Variants in GRIK2 observed in about 807,000 individuals in gnomAD.
The protein encoded by GRIK2 is glutamate ionotropic receptor kainate type subunit 2.
A neutral mutation model predicts 100.3 loss-of-function variants in GRIK2; 32 were observed. The observed-to-expected ratio is 0.32, with a 90% confidence interval of 0.24 to 0.43. GRIK2 has a LOEUF of 0.43. Among genes scored for constraint, GRIK2 ranks in the 20% least tolerant of loss-of-function variants. GRIK2 has a pLI of 1.00. For synonymous variants in GRIK2, 417 were observed against 389.4 expected (o/e 1.07, Z -0.83); for missense variants, 843 against 1,114.9 (o/e 0.76, Z 3.47).
chr6:102,065,714 T>G, intron 16 of GRIK2: 1 of 786,682 alleles, frequency 1.3e-6, no homozygotes, highest in South Asian at 1.7e-5. Flanking sequence ...TTACACGTCC[T>G]ATAACAATTT....
chr6:101,415,109 A>AT (rs1776070529), intron 2 of GRIK2, among the ~76,000 whole-genome samples: 1 of 152,114 alleles, frequency 6.6e-6, no homozygotes, highest in Admixed American at 6.6e-5. Context: ...CCATGCAGCT[A>AT]TAATCACTGT....
intron 16 of GRIK2, chr6:102,063,951 T>G: frequency 7.4e-7 from 1 of 1,345,390 alleles, no homozygotes. Context: ...GATTTAAATT[T>G]TCATTTTCAG....
intron 14 of GRIK2, among the ~76,000 whole-genome samples, chr6:101,973,794 A>C (rs954347293): frequency 2.6e-5 from 4 of 151,896 alleles, no homozygotes; most frequent in African/African-American, 4.8e-5. Context: ...GTACGAACTA[A>C]AAGCATTATT....
intron 2 of GRIK2, among the ~76,000 whole-genome samples, chr6:101,513,025 A>G (rs1224045781): frequency 6.6e-6 from 1 of 151,908 alleles, no homozygotes; most frequent in African/African-American, 2.4e-5. Context: ...TTTTATTTTA[A>G]TATTTCAAGA....
intron 2 of GRIK2, among the ~76,000 whole-genome samples, chr6:101,547,534 T>C (rs1247691135): frequency 6.6e-6 from 1 of 152,178 alleles, no homozygotes; most frequent in Admixed American, 6.5e-5. Context: ...GTGTTCTCAT[T>C]GTTCAATTTC....
chr6:101,692,806 C>T (rs1419670025), intron 7 of GRIK2, among the ~76,000 whole-genome samples: 3 of 151,862 alleles, frequency 2.0e-5, no homozygotes, highest in Non-Finnish European at 4.4e-5. Context: ...ACAGAAAAAA[C>T]ATTTTGGGGT....
intron 7 of GRIK2, among the ~76,000 whole-genome samples, chr6:101,750,341 G>T (rs906221587): frequency 1.3e-5 from 2 of 152,150 alleles, no homozygotes; most frequent in African/African-American, 4.8e-5. Flanking sequence ...AAATACTGCT[G>T]CCCTTCTGAA....
intron 2 of GRIK2, among the ~76,000 whole-genome samples, chr6:101,513,529 G>A (rs1474282758): frequency 2.0e-5 from 3 of 152,008 alleles, no homozygotes; most frequent in Non-Finnish European, 4.4e-5. Flanking sequence ...GCTTTGCAGG[G>A]GCATTTCAAA....
intron 7 of GRIK2, among the ~76,000 whole-genome samples, chr6:101,797,302 T>A (rs546173160): frequency 6.6e-6 from 1 of 152,092 alleles, no homozygotes; most frequent in African/African-American, 2.4e-5. Context: ...AACATTATTA[T>A]TTTATTGTGT....
chr6:101,803,623 A>G (rs2128415188), intron 9 of GRIK2, among the ~76,000 whole-genome samples: 1 of 152,010 alleles, frequency 6.6e-6, no homozygotes, highest in Non-Finnish European at 1.5e-5. Context: ...TAAGCTCGTG[A>G]GGAGTTTATC....
intron 7 of GRIK2, among the ~76,000 whole-genome samples, chr6:101,709,472 A>G (rs887609350): frequency 1.3e-5 from 2 of 151,848 alleles, no homozygotes; most frequent in African/African-American, 2.4e-5. Context: ...GTAAAATTAC[A>G]AAGATACCTA....
At chr6:101,491,287 A>AG (rs1335833503) in intron 2 of GRIK2, among the ~76,000 whole-genome samples, 1 of 150,858 alleles carries the variant, frequency 6.6e-6, no homozygotes, top group African/African-American at 2.4e-5. Flanking sequence ...AAAAAAAAAA[A>AG]ACCCAACCAA....
At chr6:101,477,029 G>A (rs1772270559) in intron 2 of GRIK2, among the ~76,000 whole-genome samples, 1 of 152,076 alleles carries the variant, frequency 6.6e-6, no homozygotes, top group Non-Finnish European at 1.5e-5. Context: ...AAAGTTTTGT[G>A]CATTTTTAAA....
intron 2 of GRIK2, among the ~76,000 whole-genome samples, chr6:101,408,517 C>T (rs913978032): frequency 2.0e-5 from 3 of 152,004 alleles, no homozygotes; most frequent in African/African-American, 7.3e-5. Context: ...TAATTCTAGC[C>T]TGAAGACCAG....
At chr6:101,601,341 T>C (rs1198019268) in intron 2 of GRIK2, among the ~76,000 whole-genome samples, 1 of 151,910 alleles carries the variant, frequency 6.6e-6, no homozygotes, top group Non-Finnish European at 1.5e-5. Context: ...TTTGCTAGTA[T>C]TTTGCAAAGA....
intron 14 of GRIK2, among the ~76,000 whole-genome samples, chr6:101,977,967 A>G (rs954037354): frequency 2.0e-5 from 3 of 152,046 alleles, no homozygotes; most frequent in African/African-American, 7.2e-5. Flanking sequence ...AGTTAGATGC[A>G]GCAATCCATA....
intron 2 of GRIK2, among the ~76,000 whole-genome samples, chr6:101,470,153 T>C (rs1038306583): frequency 1.3e-5 from 2 of 152,152 alleles, no homozygotes; most frequent in African/African-American, 4.8e-5. Flanking sequence ...CCAAACTCTT[T>C]TCAAATATTT....
intron 7 of GRIK2, among the ~76,000 whole-genome samples, chr6:101,798,814 C>T (rs1041022331): frequency 6.6e-6 from 1 of 152,116 alleles, no homozygotes; most frequent in Non-Finnish European, 1.5e-5. Context: ...TTTAACACAG[C>T]ACTTGAAAAT....
intron 12 of GRIK2, among the ~76,000 whole-genome samples, chr6:101,893,692 A>G (rs1395842160): frequency 6.6e-6 from 1 of 151,692 alleles, no homozygotes; most frequent in African/African-American, 2.4e-5. Context: ...TCTAGTAAGC[A>G]CTAATTAGAT....
Sources: allele counts gnomAD v4.1 joint callset (sites outside exome capture counted in the v4.1 genomes callset), GRCh38; gene constraint gnomAD v4.1.1; transcripts MANE v1.5; gene names NCBI Gene and HGNC (gene_info 2026-07-23, HGNC 2026-07-21).